Variants in NLGN1 observed in about 807,000 individuals in gnomAD.
NLGN1 encodes neuroligin-1.
A neutral mutation model predicts 65.5 loss-of-function variants in NLGN1; 12 were observed. The observed-to-expected ratio is 0.18, with a 90% CI of 0.12 to 0.30. The LOEUF (loss-of-function observed/expected upper bound fraction) is 0.30. Ranked by LOEUF, NLGN1 falls within the 10% of genes least tolerant of loss-of-function variation. The probability of loss-of-function intolerance (pLI) is 1.00; values close to 1 mark genes in which losing one functional copy is unlikely to be tolerated. For missense variants in NLGN1, 750 were observed against 1,007.1 expected, an observed-to-expected ratio of 0.74 and a Z score of 3.46; for synonymous variants, 350 against 359.5, an observed-to-expected ratio of 0.97 and a Z score of 0.30.
At chr3:173,649,631 T>C (rs961413982) in intron 3 of NLGN1, among the ~76,000 whole-genome samples, 1 of 152,056 alleles carries the variant, frequency 6.6e-6, no homozygotes, top group Non-Finnish European at 1.5e-5. Flanking sequence ...CTAATAAAGT[T>C]AAAATAGGTA....
intron 2 of NLGN1, among the ~76,000 whole-genome samples, chr3:173,551,925 C>G (rs1740936428): frequency 6.6e-6 from 1 of 152,150 alleles, no homozygotes; most frequent in African/African-American, 2.4e-5. Flanking sequence ...CTATTTGGCT[C>G]CTAGGCACCT....
In NLGN1 at chr3:174,080,922, G is replaced by GGTGTGTGTGTGTGTGTGTGTGTGT. The variant is rs571057944; in HGVS notation, c.647-194381_647-194358dup. Reference sequence around the variant, plus strand: ...AATTTGATGGTCGCCTGACATTCCTGGTGTGTGTGTGTGTGTGTGTGTGTG... The same window carrying GGTGTGTGTGTGTGTGTGTGTGTGT: ...AATTTGATGGTCGCCTGACATTCCTGGTGTGTGTGTGTGTGTGTGTGTGTGTGTGTGTGTGTGTGTGTGTGTGTG... On this transcript the variant is annotated intron_variant, in intron 4 of 6. Coordinates refer to ENST00000457714, the Ensembl canonical transcript of NLGN1. Among the ~76,000 whole-genome samples, 161 of 141,270 alleles carry GGTGTGTGTGTGTGTGTGTGTGTGT rather than the reference G, an allele frequency of 1.1e-3. 1 individual carries two copies. Among genetic ancestry groups the GGTGTGTGTGTGTGTGTGTGTGTGT allele is most frequent in the African/African-American group, 3.5e-3 (130 of 37,444 alleles). 92.7% of individuals were successfully genotyped at this position (141,270 alleles called of 152,430 possible).
intron 4 of NLGN1, among the ~76,000 whole-genome samples, chr3:173,862,505 C>CAAAAAAA (rs10601211): frequency 1.3e-3 from 56 of 41,666 alleles, no homozygotes; most frequent in South Asian, 2.8e-3. Context: ...GACTCCGTCT[C>CAAAAAAA]AAAAAAAAAA....
intron 2 of NLGN1, among the ~76,000 whole-genome samples, chr3:173,449,132 C>G (rs931912088): frequency 2.6e-4 from 39 of 152,134 alleles, no homozygotes; most frequent in African/African-American, 9.4e-4. Flanking sequence ...TCTTGCTTCT[C>G]TAATTCTTTT....
At chr3:173,687,780 T>G (rs562078195) in intron 3 of NLGN1, among the ~76,000 whole-genome samples, 2 of 152,346 alleles carry the variant, frequency 1.3e-5, no homozygotes, top group South Asian at 4.1e-4. Flanking sequence ...CAGGAATGTT[T>G]CTTGAATGCA....
chr3:173,604,379 T>G (rs529523436), exon 3 of NLGN1: 61 of 576,684 alleles, frequency 1.1e-4, no homozygotes, highest in African/African-American at 1.0e-3. Context: ...GAATGTTCAA[T>G]AGGATATGGT....
intron 3 of NLGN1, among the ~76,000 whole-genome samples, chr3:173,703,219 C>A (rs535364063): frequency 1.3e-5 from 2 of 152,114 alleles, no homozygotes; most frequent in South Asian, 2.1e-4. Context: ...CTTTATAGAA[C>A]CAAATTAGTA....
At chr3:174,224,118 C>T (rs1739158568) in intron 4 of NLGN1, among the ~76,000 whole-genome samples, 1 of 152,156 alleles carries the variant, frequency 6.6e-6, no homozygotes, top group Non-Finnish European at 1.5e-5. Context: ...TTTTTCATCA[C>T]TTTCTGTTTG....
intron 4 of NLGN1, among the ~76,000 whole-genome samples, chr3:174,016,552 C>G (rs1310421832): frequency 6.6e-6 from 1 of 152,110 alleles, no homozygotes; most frequent in Non-Finnish European, 1.5e-5. Context: ...GTAACACCCT[C>G]AATGTAGTAG....
intron 4 of NLGN1, among the ~76,000 whole-genome samples, chr3:174,086,714 T>C (rs1341904425): frequency 1.3e-5 from 2 of 152,036 alleles, no homozygotes; most frequent in Non-Finnish European, 2.9e-5. Context: ...CTTTAAAAAA[T>C]ATTCAAAATC....
intron 3 of NLGN1, among the ~76,000 whole-genome samples, chr3:173,630,598 A>G (rs1319118036): frequency 6.6e-6 from 1 of 151,992 alleles, no homozygotes; most frequent in African/African-American, 2.4e-5. Flanking sequence ...TATTTTTAAC[A>G]TCATTCTAAT....
intron 2 of NLGN1, among the ~76,000 whole-genome samples, chr3:173,479,999 C>T (rs1726987364): frequency 6.6e-6 from 1 of 152,040 alleles, no homozygotes; most frequent in Admixed American, 6.6e-5. Context: ...AGAAAGAAAG[C>T]TGGCCTGAAT....
At chr3:173,723,000 A>G (rs754570358) in intron 3 of NLGN1, among the ~76,000 whole-genome samples, 7 of 152,248 alleles carry the variant, frequency 4.6e-5, no homozygotes, top group Non-Finnish European at 8.8e-5. Context: ...ACGGTTAAAC[A>G]GAGACCTGAA....
At chr3:174,281,345 T>A in exon 7 of NLGN1, 1 of 1,278,712 alleles carries the variant, frequency 7.8e-7, no homozygotes, top group Non-Finnish European at 1.1e-6. Flanking sequence ...TGGATTGCAG[T>A]AAACGATCAC....
chr3:173,778,316 C>A (rs902902822), intron 3 of NLGN1, among the ~76,000 whole-genome samples: 8 of 151,774 alleles, frequency 5.3e-5, no homozygotes, highest in Non-Finnish European at 8.9e-5. Flanking sequence ...CTCAGTATTT[C>A]TACCATTGTT....
chr3:173,759,914 T>C (rs9863894), intron 3 of NLGN1, among the ~76,000 whole-genome samples: 100,077 of 151,722 alleles, frequency 0.66, 34,239 homozygotes, highest in Non-Finnish European at 0.73. Context: ...ACATCTTTAA[T>C]CAACTGGAAT....
At position 173,717,702 on chromosome 3, in the gene NLGN1, T is replaced by C. The variant is rs1366081653; in HGVS notation, c.494-89978T>C. Among the ~76,000 whole-genome samples the C allele has an allele frequency of 2.0e-5, 3 of 152,150 alleles. No individual in the cohort carries two copies. In the South Asian group the frequency reaches 6.2e-4, roughly 31 times the overall value. Reference sequence around the variant, plus strand: ...GAGTGAGTAATGCTTTCAATCTGTATGTGGCAATTTACAGTTATGTGAGTC... The same window carrying C: ...GAGTGAGTAATGCTTTCAATCTGTACGTGGCAATTTACAGTTATGTGAGTC... On this transcript the variant is annotated intron_variant, in intron 3 of 6. Coordinates refer to ENST00000457714, the Ensembl canonical transcript of NLGN1.
intron 4 of NLGN1, among the ~76,000 whole-genome samples, chr3:174,141,855 A>ATTTTAG (rs1182915368): frequency 6.6e-6 from 1 of 152,218 alleles, no homozygotes; most frequent in Non-Finnish European, 1.5e-5. Flanking sequence ...AATGGTTTAT[A>ATTTTAG]TTTTAGTTTT....
chr3:173,889,681 G>A (rs909835252), intron 4 of NLGN1, among the ~76,000 whole-genome samples: 22 of 152,226 alleles, frequency 1.4e-4, no homozygotes, highest in African/African-American at 5.3e-4. Context: ...AAAGAACACA[G>A]CAAACATAAG....
Sources: gnomAD v4.1 joint callset for allele counts (sites outside exome capture counted in the v4.1 genomes callset) on GRCh38, gnomAD v4.1.1 for gene constraint, MANE v1.5 for transcripts, NCBI Gene and HGNC (gene_info 2026-07-23, HGNC 2026-07-21) for gene names.